Variants in SEMA4D observed in about 807,000 individuals in gnomAD.
The protein encoded by SEMA4D is semaphorin 4D.
In SEMA4D, 22 loss-of-function variants were observed where a neutral mutation model predicts 74.8. The ratio of observed to expected loss-of-function variants is 0.29; its 90% CI spans 0.21 to 0.42. SEMA4D has a LOEUF of 0.42. Ranked by LOEUF, SEMA4D falls within the 10% of genes least tolerant of loss-of-function variation. The pLI is 1.00. For synonymous variants in SEMA4D, 445 were observed against 463.7 expected (o/e 0.96, Z 0.52); for missense variants, 937 against 1,118.4 (o/e 0.84, Z 2.31).
chr9:89,471,216 TG>T (rs1303909303), intron 1 of SEMA4D, among the ~76,000 whole-genome samples: 2 of 152,298 alleles, frequency 1.3e-5, no homozygotes, highest in East Asian at 1.9e-4. Flanking sequence ...GAATCAGGGC[TG>T]GGGAGTTATT....
At chr9:89,423,790 C>T (rs1053596637) in intron 2 of SEMA4D, among the ~76,000 whole-genome samples, 11 of 138,582 alleles carry the variant, frequency 7.9e-5, no homozygotes, top group Non-Finnish European at 1.7e-4. Context: ...TCCCTCAGTG[C>T]CTCCCCTCCC....
chr9:89,419,629 C>T (rs1587743640), intron 2 of SEMA4D, among the ~76,000 whole-genome samples: 1 of 152,284 alleles, frequency 6.6e-6, no homozygotes, highest in South Asian at 2.1e-4. Context: ...AACTAAAAAA[C>T]TGGCCAGGCA....
At chr9:89,462,598 C>A (rs936611883) in intron 1 of SEMA4D, among the ~76,000 whole-genome samples, 12 of 151,944 alleles carry the variant, frequency 7.9e-5, no homozygotes, top group Non-Finnish European at 1.8e-4. Flanking sequence ...TTCCCCAATA[C>A]CAGTCTACGG....
rs930564468 is a variant in SEMA4D, at chr9:89,418,444, A to T, written c.-243-12745T>A. 13 of 985,016 alleles carry T rather than the reference A, an allele frequency of 1.3e-5. No homozygotes were observed. The African/African-American group carries it at 2.3e-4, about 17-fold the overall frequency. The allele number at this position is 985,016 out of a possible 1,614,324, so 61.0% of individuals were successfully genotyped here. On this transcript the variant is annotated intron_variant, in intron 2 of 15. Transcript: ENST00000422704. ...CCATTCCAGTTAGCAGAGTCTGTGA[A>T]CCAAAAAAGTACTATCTAATTGTCT...
At chr9:89,375,317 G>A (rs560833720), downstream of SEMA4D, among the ~76,000 whole-genome samples, 84 of 152,316 alleles carry the variant, frequency 5.5e-4, no homozygotes, top group African/African-American at 1.8e-3. Context: ...CTGTGAGAGC[G>A]GCCACAGGGG....
intron 2 of SEMA4D, among the ~76,000 whole-genome samples, chr9:89,424,304 G>A (rs1157462812): frequency 6.6e-6 from 1 of 152,186 alleles, no homozygotes; most frequent in East Asian, 1.9e-4. Flanking sequence ...CCACACCAAG[G>A]TGCGGAAAGG....
intron 1 of SEMA4D, among the ~76,000 whole-genome samples, chr9:89,465,275 C>A (rs1158220005): frequency 1.3e-5 from 2 of 152,326 alleles, no homozygotes; most frequent in Non-Finnish European, 1.5e-5. Context: ...CCCAGGAAAC[C>A]AGCACCATCC....
intron 1 of SEMA4D, among the ~76,000 whole-genome samples, chr9:89,489,125 G>A (rs574148245): frequency 1.4e-4 from 22 of 152,330 alleles, no homozygotes; most frequent in African/African-American, 5.1e-4. Context: ...AGCAAGTGTT[G>A]GCACAGACGT....
At chr9:89,497,522 G>A (rs997522941) in intron 1 of SEMA4D, 3 of 151,814 alleles carry the variant, frequency 2.0e-5, no homozygotes, top group African/African-American at 7.3e-5. Flanking sequence ...GGGGCGCGAC[G>A]GGGCCTGGCC....
chr9:89,422,752 T>C (rs974326161), intron 2 of SEMA4D, among the ~76,000 whole-genome samples: 1 of 152,234 alleles, frequency 6.6e-6, no homozygotes, highest in Non-Finnish European at 1.5e-5. Context: ...TCTGGAATGT[T>C]CACAGTGATG....
At chr9:89,371,761 TG>T (rs1834910044) in intron 16 of SEMA4D, among the ~76,000 whole-genome samples, 2 of 69,326 alleles carry the variant, frequency 2.9e-5, no homozygotes, top group Non-Finnish European at 2.7e-5. Flanking sequence ...GTGGTGTGTG[TG>T]TGGGGGGTGT....
At chr9:89,385,942 C>A in intron 13 of SEMA4D, 1 of 975,038 alleles carries the variant, frequency 1.0e-6, no homozygotes, top group Non-Finnish European at 1.2e-6. Context: ...CAGGTGGAGA[C>A]AGCTTTACAG....
intron 1 of SEMA4D, among the ~76,000 whole-genome samples, chr9:89,487,172 A>G (rs1043040521): frequency 6.7e-6 from 1 of 149,806 alleles, no homozygotes; most frequent in Admixed American, 6.7e-5. Flanking sequence ...TAAAACAAAT[A>G]TATAAAAAAG....
intron 9 of SEMA4D, among the ~76,000 whole-genome samples, chr9:89,390,671 C>T (rs1839665898): frequency 6.6e-6 from 1 of 152,192 alleles, no homozygotes; most frequent in Admixed American, 6.5e-5. Context: ...TGGCCAGGGA[C>T]ATGGCGGCTG....
At chr9:89,375,697 C>A (rs766400078), downstream of SEMA4D, among the ~76,000 whole-genome samples, 2 of 152,208 alleles carry the variant, frequency 1.3e-5, no homozygotes, top group Non-Finnish European at 2.9e-5. Flanking sequence ...ACAGGGGCCA[C>A]CAGGGCTACC....
At chr9:89,449,454 C>T in intron 2 of SEMA4D, 1 of 658,768 alleles carries the variant, frequency 1.5e-6, no homozygotes, top group South Asian at 1.6e-5. Context: ...TTTCGCTGGC[C>T]CTCTCCTCGA....
intron 1 of SEMA4D, among the ~76,000 whole-genome samples, chr9:89,491,421 T>C (rs1825613649): frequency 6.6e-6 from 1 of 152,104 alleles, no homozygotes; most frequent in Non-Finnish European, 1.5e-5. Context: ...ATACAAAAAA[T>C]TAGCCGGGCA....
chr9:89,392,176 C>T (rs1053498373), intron 8 of SEMA4D, among the ~76,000 whole-genome samples: 1 of 152,190 alleles, frequency 6.6e-6, no homozygotes, highest in Non-Finnish European at 1.5e-5. Context: ...TGAGAGTCTC[C>T]CAAATCCATT....
intron 1 of SEMA4D, among the ~76,000 whole-genome samples, chr9:89,480,816 C>A (rs996987170): frequency 6.6e-5 from 10 of 152,258 alleles, no homozygotes; most frequent in African/African-American, 2.2e-4. Flanking sequence ...CACCTCCCTA[C>A]AAACTGGGGG....
Sources: gnomAD v4.1 joint callset for allele counts (sites outside exome capture counted in the v4.1 genomes callset) on GRCh38, gnomAD v4.1.1 for gene constraint, MANE v1.5 for transcripts, NCBI Gene and HGNC (gene_info 2026-07-23, HGNC 2026-07-21) for gene names.